Variants in KIR3DL1 observed in about 807,000 individuals in gnomAD.
KIR3DL1 encodes killer cell immunoglobulin like receptor, three Ig domains and long cytoplasmic tail 1, also known as killer cell immunoglobulin-like receptor 3DL1.
In KIR3DL1, 50 loss-of-function variants were observed where a neutral mutation model predicts 40.3. That is an observed-to-expected ratio of 1.24 (90% CI 0.99 to 1.57). KIR3DL1 has a LOEUF of 1.57. Among genes scored for constraint, KIR3DL1 ranks in the 40% most tolerant of loss-of-function variants. The pLI is 0.00. For synonymous variants in KIR3DL1, 257 were observed against 207.2 expected (o/e 1.24, Z -2.07); for missense variants, 661 against 559.9 (o/e 1.18, Z -1.82).
At chr19:54,818,586 G>C in exon 3 of KIR3DL1, 1 of 1,610,178 alleles carries the variant, frequency 6.2e-7, no homozygotes. Flanking sequence ...ACCCCGTGGT[G>C]ATCATGGTCA....
At chr19:54,818,318 G>T in exon 3 of KIR3DL1, 1 of 1,598,432 alleles carries the variant, frequency 6.3e-7, no homozygotes, top group Non-Finnish European at 8.5e-7. Context: ...CCCCCAGGTG[G>T]TCAGGACAAA....
rs2061415224 is a variant in KIR3DL1 at position 54,817,586 on chromosome 19, A to G, written c.70+17A>G. ...CACACATGGGTGAGTCCTTCCCCAA[A>G]CCTTAGGGTGTCATCTCCCCACATA... On this transcript the variant is annotated intron_variant, in intron 2 of 8. Coordinates refer to ENST00000391728, the Ensembl canonical transcript of KIR3DL1. 7.3e-6 allele frequency: 11 copies of G among 1,505,642 alleles called. 1 individual carries two copies. Among genetic ancestry groups the G allele is most frequent in the Non-Finnish European group, 9.9e-6 (11 of 1,106,280 alleles). The allele number at this position is 1,505,642 out of a possible 1,614,324, so 93.3% of individuals were successfully genotyped here. A position where few individuals can be genotyped will look rare whatever the true frequency, so the allele number is the denominator to read the frequency against.
intron 3 of KIR3DL1, among the ~76,000 whole-genome samples, 175 bp from the exon 4 acceptor site, chr19:54,819,538 G>C (rs975421492): frequency 6.6e-6 from 1 of 151,346 alleles, no homozygotes; most frequent in African/African-American, 2.4e-5. Flanking sequence ...ACAGAGAAGA[G>C]GGAGGAAGAC....
At chr19:54,828,309 T>G (rs74512318) in intron 6 of KIR3DL1, among the ~76,000 whole-genome samples, 2,353 of 142,190 alleles carry the variant, frequency 0.017, 153 homozygotes, top group African/African-American at 0.057. Context: ...CTAAAGCACA[T>G]TCGCTGTGTA....
chr19:54,818,709 G>T, intron 3 of KIR3DL1, 110 bp downstream of exon 3: 4 of 1,423,630 alleles, frequency 2.8e-6, no homozygotes, highest in Non-Finnish European at 3.8e-6. Flanking sequence ...TGTATTTGGG[G>T]TCAAGGGAGA....
chr19:54,819,544 A>G lies in KIR3DL1; in HGVS notation c.356-169A>G, dbSNP rs367555225. Among the ~76,000 whole-genome samples the G allele has an allele frequency of 7.3e-5, 11 of 151,304 alleles. 3 individuals carry two copies. The highest frequency in any genetic ancestry group is 2.7e-4 in the African/African-American group (11 of 40,990). On this transcript the variant is annotated intron_variant, in intron 3 of 8. Coordinates refer to ENST00000391728, the Ensembl canonical transcript of KIR3DL1. ...GACAGAGGGACAGAGAAGAGGGAGG[A>G]AGACAGATGGAGGCACCTGCACCAG...
chr19:54,819,571 G>A (rs2061525615), intron 3 of KIR3DL1, 142 bp from the exon 4 acceptor site: 1 of 1,002,332 alleles, frequency 1.0e-6, no homozygotes, highest in South Asian at 1.6e-5. Context: ...CTGCACCAGG[G>A]GATATGGGCA....
At chr19:54,827,926 G>C (rs151262295) in intron 6 of KIR3DL1, among the ~76,000 whole-genome samples, 27,731 of 149,250 alleles carry the variant, frequency 0.19, 3,049 homozygotes, top group South Asian at 0.32. Flanking sequence ...ATCACCTGTG[G>C]AAATACAGAT....
At chr19:54,829,147 A>T (rs578233558) in intron 6 of KIR3DL1, among the ~76,000 whole-genome samples, 13 of 145,394 alleles carry the variant, frequency 8.9e-5, no homozygotes, top group Admixed American at 4.2e-4. Flanking sequence ...AAGGGGTCAA[A>T]CATCTCAACT....
At position 54,818,617 on chromosome 19, in the gene KIR3DL1, T is replaced by C; in HGVS notation, c.355+18T>C. 1 of 1,601,094 alleles carries C rather than the reference T, an allele frequency of 6.2e-7. No individual in the cohort carries two copies. Among genetic ancestry groups the C allele is most frequent in the Non-Finnish European group, 8.5e-7 (1 of 1,177,410 alleles). On this transcript the variant is annotated intron_variant, in intron 3 of 8. Transcript: ENST00000391728. ...GGTCACAGGTCAGAGGCTTTCCGTCTGGGCTTCTCACTGTCCCACCTCCTG... is the reference window on the plus strand; with the variant it reads ...GGTCACAGGTCAGAGGCTTTCCGTCCGGGCTTCTCACTGTCCCACCTCCTG...
At chr19:54,827,022 C>G (rs991217317) in intron 6 of KIR3DL1, among the ~76,000 whole-genome samples, 2 of 151,804 alleles carry the variant, frequency 1.3e-5, no homozygotes. Flanking sequence ...AGGTGCGTAA[C>G]TGGAATCTAG....
rs1355588088 is a variant in KIR3DL1, at chr19:54,816,545, G to A, written c.34+11G>A. 1.9e-6 allele frequency: 3 copies of A among 1,608,664 alleles called. No individual in the cohort carries two copies. Among genetic ancestry groups the A allele is most frequent in the Admixed American group, 3.4e-5 (2 of 59,568 alleles). On this transcript the variant is annotated intron_variant, in intron 1 of 8. Coordinates refer to ENST00000391728, the Ensembl canonical transcript of KIR3DL1. ...GCATGGCGTGTGTTGGTGAGTCCTGGAAGGGAATCGAGGGAGGGAGTGCGG... is the reference window on the plus strand; with the variant it reads ...GCATGGCGTGTGTTGGTGAGTCCTGAAAGGGAATCGAGGGAGGGAGTGCGG...
intron 3 of KIR3DL1, 96 bp from the exon 4 acceptor site, chr19:54,819,617 A>G: frequency 1.4e-6 from 2 of 1,397,818 alleles, no homozygotes; most frequent in Non-Finnish European, 2.0e-6. Context: ...GGGAGGAGAG[A>G]GACAGACACG....
At position 54,830,380 on chromosome 19, in the gene KIR3DL1, A is replaced by C; in HGVS notation, c.*105A>C. 2.4e-6 allele frequency: 3 copies of C among 1,270,046 alleles called. 1 individual carries two copies. Among genetic ancestry groups the C allele is most frequent in the Non-Finnish European group, 3.4e-6 (3 of 895,464 alleles). The allele number at this position is 1,270,046 out of a possible 1,614,324, so 78.7% of individuals were successfully genotyped here. ...CCAGCAGCTGGAATCTGAAGGCGTG[A>C]GTCTTCATCTTAGGGCATCGCTCCT... On this transcript the variant is annotated 3_prime_UTR_variant, in exon 9 of 9. Coordinates refer to ENST00000391728, the Ensembl canonical transcript of KIR3DL1.
chr19:54,823,634 A>C (rs2061745485), intron 5 of KIR3DL1, among the ~76,000 whole-genome samples: 2 of 151,430 alleles, frequency 1.3e-5, no homozygotes, highest in South Asian at 4.2e-4. Flanking sequence ...AGTAGCTGGG[A>C]TTACAGGCAT....
intron 3 of KIR3DL1, among the ~76,000 whole-genome samples, chr19:54,819,176 G>A (rs2061506443): frequency 6.6e-6 from 1 of 150,978 alleles, no homozygotes; most frequent in African/African-American, 2.4e-5. Flanking sequence ...GAAGGGGTCA[G>A]TGTGTTCTCT....
At chr19:54,822,052 T>A (rs1311308966) in intron 5 of KIR3DL1, among the ~76,000 whole-genome samples, 194 bp downstream of exon 5, 5 of 150,814 alleles carry the variant, frequency 3.3e-5, no homozygotes, top group South Asian at 2.1e-4. Flanking sequence ...AGGCCTCCGA[T>A]CAGGGCTCCA....
chr19:54,821,520 G>A lies in KIR3DL1; in HGVS notation c.656-45G>A, dbSNP rs746530784. The stretch of plus-strand genomic sequence containing the variant: ...TCAGCTCAGGTATGAGGGGAGCTAT[G>A]ACAAGGAAGAACCTCCCTGAGGAAA... On this transcript the variant is annotated intron_variant, in intron 4 of 8. Coordinates refer to ENST00000391728, the Ensembl canonical transcript of KIR3DL1. 2.2e-5 allele frequency: 35 copies of A among 1,576,522 alleles called. 1 individual carries two copies. The highest frequency in any genetic ancestry group is 2.9e-5 in the Non-Finnish European group (34 of 1,160,570).
chr19:54,817,422 T>A, intron 1 of KIR3DL1, 112 bp from the exon 2 acceptor site: 1 of 933,342 alleles, frequency 1.1e-6, no homozygotes, highest in South Asian at 1.3e-5. Flanking sequence ...CGAGGGTGAG[T>A]TTACCTTCAG....
Sources: allele counts gnomAD v4.1 joint callset (sites outside exome capture counted in the v4.1 genomes callset), GRCh38; gene constraint gnomAD v4.1.1; transcripts MANE v1.5; gene names NCBI Gene and HGNC (gene_info 2026-07-23, HGNC 2026-07-21).